CEP85L: variants seen among roughly 807,000 people sequenced by gnomAD.
CEP85L encodes centrosomal protein of 85 kDa-like.
CEP85L carries 60 observed loss-of-function variants against 100.3 expected under a neutral mutation model. That is an observed-to-expected ratio of 0.60 (90% CI 0.49 to 0.74). The LOEUF (loss-of-function observed/expected upper bound fraction) is 0.74, where lower values mean the gene tolerates loss of function less well. CEP85L is among the 30% of genes least tolerant of loss of function. CEP85L has a pLI of 0.00. For missense variants in CEP85L, 973 were observed against 936.2 expected (o/e 1.04, Z -0.51); for synonymous variants, 319 against 322.7 (o/e 0.99, Z 0.12).
At chr6:118,521,086 T>G (rs1776640879) in intron 4 of CEP85L, among the ~76,000 whole-genome samples, 1 of 152,214 alleles carries the variant, frequency 6.6e-6, no homozygotes, top group Non-Finnish European at 1.5e-5. Context: ...CAACATATAA[T>G]TTTTACTTAA....
At chr6:118,596,469 G>C (rs949355005) in intron 2 of CEP85L, among the ~76,000 whole-genome samples, 1 of 151,824 alleles carries the variant, frequency 6.6e-6, no homozygotes, top group East Asian at 1.9e-4. Flanking sequence ...GAACAGATAA[G>C]GTAAAGAACA....
chr6:118,671,188 T>C lies in CEP85L; in HGVS notation c.-27-18380A>G, dbSNP rs2115426910. Among the ~76,000 whole-genome samples, 4 of 152,338 alleles carry C rather than the reference T, an allele frequency of 2.6e-5. No individual in the cohort carries two copies. In the Middle Eastern group the frequency reaches 0.014, roughly 518 times the overall value. On this transcript the variant is annotated intron_variant, in intron 1 of 13. Coordinates refer to the CEP85L transcript ENST00000368488. ...ATCTCTATCTGGTTGTGAGCCCTCT[T>C]GAATTGCCTGGAAAATTCAGAGCCA...
intron 1 of CEP85L, among the ~76,000 whole-genome samples, chr6:118,687,197 C>G (rs1008410279): frequency 6.6e-6 from 1 of 152,200 alleles, no homozygotes; most frequent in Admixed American, 6.5e-5. Context: ...GCTGCCCTAT[C>G]TAAAACAGCA....
chr6:118,542,770 C>T (rs779896404), intron 3 of CEP85L, among the ~76,000 whole-genome samples: 58 of 151,776 alleles, frequency 3.8e-4, no homozygotes, highest in Non-Finnish European at 6.5e-4. Flanking sequence ...TAATAGCCCA[C>T]GCCAAACCAC....
chr6:118,643,459 A>T (rs1376104203), intron 1 of CEP85L, among the ~76,000 whole-genome samples: 1 of 152,224 alleles, frequency 6.6e-6, no homozygotes, highest in Non-Finnish European at 1.5e-5. Context: ...ATAACTAAAA[A>T]CTATAGTTCA....
intron 11 of CEP85L, among the ~76,000 whole-genome samples, chr6:118,469,693 T>G (rs927867262): frequency 9.2e-5 from 14 of 152,164 alleles, no homozygotes; most frequent in Admixed American, 8.5e-4. Context: ...CTTGACCTCC[T>G]CGGGCTCTGG....
intron 4 of CEP85L, among the ~76,000 whole-genome samples, chr6:118,517,747 G>A (rs573789824): frequency 4.7e-4 from 72 of 152,230 alleles, no homozygotes; most frequent in Non-Finnish European, 8.8e-4. Flanking sequence ...TTGCCTGATG[G>A]CCCTGGCCAG....
At chr6:118,650,530 G>C (rs913194460) in intron 1 of CEP85L, among the ~76,000 whole-genome samples, 1 of 152,228 alleles carries the variant, frequency 6.6e-6, no homozygotes, top group African/African-American at 2.4e-5. Flanking sequence ...TAACCCGGTT[G>C]CTCAATGGTC....
chr6:118,532,089 G>T (rs1364944354), intron 3 of CEP85L, among the ~76,000 whole-genome samples: 1 of 152,006 alleles, frequency 6.6e-6, no homozygotes, highest in Non-Finnish European at 1.5e-5. Flanking sequence ...CAAAGATATG[G>T]AATCAACCTA....
chr6:118,621,178 T>C (rs979863466), intron 2 of CEP85L, among the ~76,000 whole-genome samples: 11 of 152,036 alleles, frequency 7.2e-5, no homozygotes, highest in Admixed American at 6.6e-5. Context: ...AGTGAGAAAA[T>C]GGGACAGTCC....
At chr6:118,496,830 T>G (rs1389626712) in intron 5 of CEP85L, among the ~76,000 whole-genome samples, 1 of 152,214 alleles carries the variant, frequency 6.6e-6, no homozygotes, top group East Asian at 1.9e-4. Context: ...GAAGTCAATC[T>G]GTTGTCACTT....
chr6:118,593,736 C>A (rs1781316249), intron 2 of CEP85L, among the ~76,000 whole-genome samples: 1 of 151,406 alleles, frequency 6.6e-6, no homozygotes, highest in Non-Finnish European at 1.5e-5. Context: ...CCGAAATCAT[C>A]TAGTTGTCTT....
intron 2 of CEP85L, among the ~76,000 whole-genome samples, chr6:118,600,520 C>G (rs943239475): frequency 2.8e-4 from 43 of 151,798 alleles, no homozygotes; most frequent in African/African-American, 9.7e-4. Flanking sequence ...CGGGGTTTCA[C>G]CATATTGGTC....
At chr6:118,493,203 G>C (rs1179943843) in intron 5 of CEP85L, among the ~76,000 whole-genome samples, 1 of 152,116 alleles carries the variant, frequency 6.6e-6, no homozygotes, top group Non-Finnish European at 1.5e-5. Flanking sequence ...AAAGGAACAG[G>C]CATTCTAGAA....
chr6:118,608,602 TC>T (rs1772406060), intron 2 of CEP85L, among the ~76,000 whole-genome samples: 2 of 152,192 alleles, frequency 1.3e-5, no homozygotes, highest in Admixed American at 1.3e-4. Context: ...CCATCTCAAA[TC>T]TGAGGTAGGG....
At chr6:118,619,933 C>T (rs140822319) in intron 2 of CEP85L, among the ~76,000 whole-genome samples, 2 of 152,186 alleles carry the variant, frequency 1.3e-5, no homozygotes, top group Admixed American at 6.5e-5. Context: ...AATTCCCCCA[C>T]AGGGCAACAG....
rs1247570188 is a variant in CEP85L at position 118,463,585 on chromosome 6, T to G, written c.*1820A>C. ...CAAGCTACTAATGTTAAAAACCAAG[T>G]GAATATAATTAGAAAGCCAAGTTCT... is the stretch of plus-strand genomic sequence containing the variant. On this transcript the variant is annotated 3_prime_UTR_variant, in exon 13 of 13. Transcript: ENST00000368491. 6.6e-6 allele frequency: 1 copy of G among 152,000 alleles called. No individual in the cohort carries two copies. Among genetic ancestry groups the G allele is most frequent in the Non-Finnish European group, 1.5e-5 (1 of 67,932 alleles). The allele number at this position is 152,000 out of a possible 1,614,324, so 9.4% of individuals were successfully genotyped here. A position where few individuals can be genotyped will look rare whatever the true frequency, so the allele number is the denominator to read the frequency against.
chr6:118,534,053 G>T (rs1777446290), intron 3 of CEP85L, among the ~76,000 whole-genome samples: 1 of 151,896 alleles, frequency 6.6e-6, no homozygotes, highest in African/African-American at 2.4e-5. Context: ...TGAGATCTGA[G>T]ATCACACGAT....
At chr6:118,584,015 G>A (rs769614577) in intron 2 of CEP85L, among the ~76,000 whole-genome samples, 2 of 152,162 alleles carry the variant, frequency 1.3e-5, no homozygotes, top group African/African-American at 4.8e-5. Flanking sequence ...CCAGCCAGAC[G>A]CCCAGTTAAC....
Sources: allele counts gnomAD v4.1 joint callset (sites outside exome capture counted in the v4.1 genomes callset), GRCh38; gene constraint gnomAD v4.1.1; transcripts MANE v1.5; gene names NCBI Gene and HGNC (gene_info 2026-07-23, HGNC 2026-07-21).